ST6GAL2: variants seen among roughly 807,000 people sequenced by gnomAD.
The protein encoded by ST6GAL2 is ST6 beta-galactoside alpha-2,6-sialyltransferase 2.
Under a neutral mutation model 37.5 loss-of-function variants are expected in ST6GAL2, and 24 were observed. The ratio of observed to expected loss-of-function variants is 0.64; its 90% confidence interval spans 0.46 to 0.90. ST6GAL2 has a LOEUF of 0.90. Ranked by LOEUF, ST6GAL2 falls within the 40% of genes least tolerant of loss-of-function variation. The probability of loss-of-function intolerance (pLI) is 0.00; values close to 1 mark genes in which losing one functional copy is unlikely to be tolerated. For synonymous variants in ST6GAL2, 306 were observed against 295.1 expected, an observed-to-expected ratio of 1.04 and a Z score of -0.38; for missense variants, 715 against 712.7, an observed-to-expected ratio of 1.00 and a Z score of -0.04.
intron 2 of ST6GAL2, chr2:106,841,080 G>A (rs945182030): frequency 1.3e-5 from 2 of 152,176 alleles, no homozygotes; most frequent in African/African-American, 4.8e-5. Flanking sequence ...TGAGCCTGCT[G>A]TAATGTCAGC....
chr2:106,871,164 T>G (rs1678250538), intron 1 of ST6GAL2, among the ~76,000 whole-genome samples: 1 of 152,214 alleles, frequency 6.6e-6, no homozygotes, highest in Non-Finnish European at 1.5e-5. Context: ...CACAATGGTA[T>G]TTGTGTCTAA....
chr2:106,843,823 A>G lies in ST6GAL2; in HGVS notation c.155T>C (p.Leu52Pro), dbSNP rs145721349. The G allele has an allele frequency of 3.2e-4, 511 of 1,611,912 alleles. 3 individuals are homozygous for G. The highest frequency in any genetic ancestry group is 1.7e-4 in the Middle Eastern group (1 of 6,048). ...GGCCCGCTGCTTCCCCTGCACCGGC[A>G]GGAGCCTCCTGGTCTCCAGGAAGGA... is the stretch of plus-strand genomic sequence containing the variant. ...SLSFLETRRL[L>P]PVQGKQRAIM... is the part of the protein sequence containing the mutation. Residue 52 changes from leucine (L) to proline (P), a missense_variant, in exon 2 of 6, where the codon CTG (leucine) becomes CCG (proline). Around this residue, in one of 3 missense-constraint regions of ST6GAL2, gnomAD observed 512 missense variants for 488.8 expected, o/e 1.05. Transcript: ENST00000409382.
intron 1 of ST6GAL2, among the ~76,000 whole-genome samples, chr2:106,877,958 G>T (rs2104643733): frequency 6.6e-6 from 1 of 152,288 alleles, no homozygotes; most frequent in South Asian, 2.1e-4. Context: ...CTGCACCCTG[G>T]TGCCTGGCTG....
rs986142617 is a variant in ST6GAL2, at chr2:106,802,133, G to T, written c.*4545C>A. ...CAGTCCATTTTAATGTAGCCAAGAT[G>T]TGCAGAGTATGAGTGTGTGGGAAGC... On this transcript the variant is annotated 3_prime_UTR_variant, in exon 6 of 6. Transcript: ENST00000409382. 1.8e-4 allele frequency: 28 copies of T among 152,202 alleles called. No homozygotes were observed. Among genetic ancestry groups the T allele is most frequent in the African/African-American group, 6.8e-4 (28 of 41,456 alleles). The allele number at this position is 152,202 out of a possible 1,614,324, so 9.4% of individuals were successfully genotyped here.
At chr2:106,873,571 C>A (rs543680390) in intron 1 of ST6GAL2, among the ~76,000 whole-genome samples, 1 of 152,292 alleles carries the variant, frequency 6.6e-6, no homozygotes, top group Non-Finnish European at 1.5e-5. Context: ...ATGGACAGAT[C>A]CAACCCAATA....
chr2:106,852,874 T>C (rs1387566111), intron 1 of ST6GAL2, among the ~76,000 whole-genome samples: 3 of 152,212 alleles, frequency 2.0e-5, no homozygotes, highest in African/African-American at 7.2e-5. Context: ...GCCTGTGCTG[T>C]GCTGGGCACT....
chr2:106,821,326 A>G (rs964708586), intron 5 of ST6GAL2, among the ~76,000 whole-genome samples: 6 of 151,482 alleles, frequency 4.0e-5, no homozygotes, highest in Non-Finnish European at 7.4e-5. Context: ...TGTCACAAAA[A>G]TCCAAAGGGT....
At position 106,806,575 on chromosome 2, in the gene ST6GAL2, A is replaced by G; in HGVS notation, c.*103T>C. ...TGACCACCACTAAATTACTGTTTAA[A>G]GACTCAAAACTACACTGTCTAAAAT... On this transcript the variant is annotated 3_prime_UTR_variant, in exon 6 of 6. Coordinates refer to ENST00000409382, the MANE Select transcript of ST6GAL2 (RefSeq NM_001142351.2). 7.6e-7 allele frequency: 1 copy of G among 1,317,524 alleles called. No homozygotes were observed. Among genetic ancestry groups the G allele is most frequent in the Non-Finnish European group, 1.1e-6 (1 of 951,196 alleles). The allele number at this position is 1,317,524 out of a possible 1,614,324, so 81.6% of individuals were successfully genotyped here.
At chr2:106,848,819 T>C (rs911873076) in intron 1 of ST6GAL2, among the ~76,000 whole-genome samples, 2 of 152,242 alleles carry the variant, frequency 1.3e-5, no homozygotes, top group Non-Finnish European at 2.9e-5. Flanking sequence ...CTATGTAGCC[T>C]GCGTCAGACA....
At position 106,843,104 on chromosome 2, in the gene ST6GAL2, C is replaced by T. The variant is rs780431339; in HGVS notation, c.874G>A (p.Gly292Ser). ...ATGACGACAGCGCAGCTGCGCAGGC[C>T]GCGGGGGTGCAGCTGGCTCAGGGGC... ...AVPLSQLHPRGLRSCAVVMSA... is the reference protein window; with the variant it reads ...AVPLSQLHPRSLRSCAVVMSA... The change falls in exon 2 of 6, where the codon GGC becomes AGC. Residue 292 changes from glycine to serine, a missense_variant. This residue lies in a region of ST6GAL2 where 512 missense variants were observed against 488.8 expected (regional missense o/e 1.05). Transcript: ENST00000409382. 2 of 1,548,910 alleles carry T rather than the reference C, an allele frequency of 1.3e-6. No homozygotes were observed. Among genetic ancestry groups the T allele is most frequent in the South Asian group, 2.4e-5 (2 of 82,386 alleles).
At chr2:106,822,941 T>C (rs1676059563) in intron 5 of ST6GAL2, 1 of 152,208 alleles carries the variant, frequency 6.6e-6, no homozygotes, top group African/African-American at 2.4e-5. Context: ...AGAATTCATT[T>C]ATTGTAAGGA....
chr2:106,873,859 G>C (rs1678383248), intron 1 of ST6GAL2, among the ~76,000 whole-genome samples: 1 of 152,220 alleles, frequency 6.6e-6, no homozygotes, highest in Non-Finnish European at 1.5e-5. Context: ...CTGGGCCATG[G>C]TCTCTTGTCC....
chr2:106,884,631 G>A (rs1272157794), intron 1 of ST6GAL2, among the ~76,000 whole-genome samples: 3 of 151,974 alleles, frequency 2.0e-5, no homozygotes, highest in Admixed American at 6.6e-5. Context: ...TATCTATTGC[G>A]GCAAAAATTG....
intron 1 of ST6GAL2, among the ~76,000 whole-genome samples, chr2:106,854,767 G>A (rs1677506949): frequency 6.6e-6 from 1 of 152,050 alleles, no homozygotes; most frequent in Non-Finnish European, 1.5e-5. Context: ...CCATCATTAA[G>A]TAACCTGAGT....
rs1455829583 is a variant in ST6GAL2, at chr2:106,876,713, C to T, written c.-58+9380G>A. On this transcript the variant is annotated intron_variant, in intron 1 of 5. Coordinates refer to ENST00000409382, the MANE Select transcript of ST6GAL2 (RefSeq NM_001142351.2). ...ATTTATGAAAATTCATCAAACCATA[C>T]GCATGCTCTGTGCAAGTTGGCACTG... Among the ~76,000 whole-genome samples the T allele has an allele frequency of 4.6e-5, 7 of 152,248 alleles. 1 individual carries two copies. Among genetic ancestry groups the T allele is most frequent in the East Asian group, 3.9e-4 (2 of 5,168 alleles).
chr2:106,851,117 T>C (rs925405564), intron 1 of ST6GAL2, among the ~76,000 whole-genome samples: 4 of 152,224 alleles, frequency 2.6e-5, no homozygotes, highest in Non-Finnish European at 5.9e-5. Flanking sequence ...AATTCTAACA[T>C]TATTACCTGG....
At chr2:106,807,914 G>A (rs988961817) in intron 5 of ST6GAL2, among the ~76,000 whole-genome samples, 2 of 151,972 alleles carry the variant, frequency 1.3e-5, no homozygotes, top group African/African-American at 4.8e-5. Context: ...ATGAGCCACC[G>A]CGCCAGGCCT....
chr2:106,815,226 C>T (rs1675756933), intron 5 of ST6GAL2, among the ~76,000 whole-genome samples: 1 of 152,182 alleles, frequency 6.6e-6, no homozygotes, highest in Non-Finnish European at 1.5e-5. Context: ...AATATGTCAG[C>T]TCTTATCAAT....
rs1242871872 is a variant in ST6GAL2 at position 106,832,631 on chromosome 2, A to G, written c.1077T>C (p.Ser359=). The G allele has an allele frequency of 1.1e-5, 17 of 1,612,672 alleles. No individual in the cohort carries two copies. The highest frequency in any genetic ancestry group is 1.4e-5 in the Non-Finnish European group (16 of 1,179,188). Residue 359 remains serine (S), a synonymous_variant, in exon 4 of 6, where the codon AGT becomes AGC. Transcript: ENST00000409382. ...LTNPSHHFID[S]SLYKDVILVA... is the part of the protein sequence containing the mutation. ...CCAAAATGACGTCTTTATACAGTGA[A>G]CTGTCAATGAAGTGATGGCTGGGGT...
Sources: allele counts gnomAD v4.1 joint callset (sites outside exome capture counted in the v4.1 genomes callset), GRCh38; gene constraint gnomAD v4.1.1; regional missense constraint gnomAD v4.1.1; transcripts MANE v1.5; gene names NCBI Gene and HGNC (gene_info 2026-07-23, HGNC 2026-07-21).